Variants in IL19 observed in about 807,000 individuals in gnomAD.
IL19 encodes interleukin 19, also known as interleukin-19.
A neutral mutation model predicts 19.5 loss-of-function variants in IL19; 15 were observed. The observed-to-expected ratio is 0.77, with a 90% CI of 0.52 to 1.19. IL19 has a LOEUF of 1.19. Among genes scored for constraint, IL19 ranks in the 50% most tolerant of loss-of-function variants. The probability of loss-of-function intolerance (pLI) is 0.00; values close to 1 mark genes in which losing one functional copy is unlikely to be tolerated. For missense variants in IL19, 199 were observed against 213.1 expected, an observed-to-expected ratio of 0.93 and a Z score of 0.41; for synonymous variants, 78 against 78.3, an observed-to-expected ratio of 1.00 and a Z score of 0.02.
intron 1 of IL19, among the ~76,000 whole-genome samples, chr1:206,790,960 T>G (rs1232081588): frequency 6.6e-6 from 1 of 152,184 alleles, no homozygotes; most frequent in Non-Finnish European, 1.5e-5. Context: ...ATATCTTTCT[T>G]CATTCTTTTT....
intron 2 of IL19, among the ~76,000 whole-genome samples, chr1:206,800,563 G>C (rs867720306): frequency 1.3e-5 from 2 of 152,192 alleles, no homozygotes; most frequent in Non-Finnish European, 2.9e-5. Context: ...GTGAATAGGA[G>C]TTTGCCAGGG....
At chr1:206,842,481 T>C (rs754068069) in intron 6 of IL19, 46 bp from the exon 7 acceptor site, 62 of 1,174,446 alleles carry the variant, frequency 5.3e-5, no homozygotes, top group Non-Finnish European at 7.4e-5. Context: ...TGAAAACCAT[T>C]ACACAGTCTA....
rs1558625518 is a variant in IL19, at chr1:206,842,670, G to GT, written c.*51dup. 5 of 1,182,366 alleles carry GT rather than the reference G, an allele frequency of 4.2e-6. No homozygotes were observed. Among genetic ancestry groups the GT allele is most frequent in the Non-Finnish European group, 4.9e-6 (4 of 815,078 alleles). The allele number at this position is 1,182,366 out of a possible 1,614,324, so 73.2% of individuals were successfully genotyped here. A position where few individuals can be genotyped will look rare whatever the true frequency, so the allele number is the denominator to read the frequency against. On this transcript the variant is annotated 3_prime_UTR_variant, in exon 7 of 7. Coordinates refer to ENST00000659997, the MANE Select transcript of IL19 (RefSeq NM_153758.5). ...TCCAGGGATGAACACCCCCTGTGCG[G>GT]TTTACTGTGGGAGACAGCCCACCTT...
intron 2 of IL19, among the ~76,000 whole-genome samples, chr1:206,807,625 C>A (rs1360185002): frequency 1.3e-5 from 2 of 152,088 alleles, no homozygotes; most frequent in South Asian, 2.1e-4. Context: ...TTTTTTGGCA[C>A]CCTTATTTCA....
At position 206,770,976 on chromosome 1, in the gene IL19, T is replaced by C. The variant is rs987614203; in HGVS notation, c.-251T>C. On this transcript the variant is annotated 5_prime_UTR_variant, in exon 1 of 7. Coordinates refer to ENST00000659997, the MANE Select transcript of IL19 (RefSeq NM_153758.5). ...GGGAGTTCACATGCGCCTTGATGTC[T>C]GGGTCTTGGTTCTCAGCTTGGGGCA... 6 of 1,614,070 alleles carry C rather than the reference T, an allele frequency of 3.7e-6. No individual in the cohort carries two copies. The Admixed American group carries it at 1.0e-4, about 27-fold the overall frequency.
At chr1:206,792,351 G>A (rs1675428478) in intron 1 of IL19, among the ~76,000 whole-genome samples, 1 of 152,148 alleles carries the variant, frequency 6.6e-6, no homozygotes, top group African/African-American at 2.4e-5. Flanking sequence ...TTTATGAGCA[G>A]TGATGGATGC....
intron 1 of IL19, among the ~76,000 whole-genome samples, chr1:206,774,925 G>T (rs982674566): frequency 5.9e-5 from 9 of 151,956 alleles, no homozygotes; most frequent in South Asian, 2.1e-4. Flanking sequence ...TATGAGATGT[G>T]TGTGTAAATA....
chr1:206,782,330 C>T (rs993523613), intron 1 of IL19, among the ~76,000 whole-genome samples: 10 of 151,912 alleles, frequency 6.6e-5, no homozygotes, highest in African/African-American at 2.4e-4. Context: ...TTGTAATATG[C>T]CGTTTTAGTT....
chr1:206,822,414 T>C (rs914324357), intron 2 of IL19, among the ~76,000 whole-genome samples: 2 of 152,202 alleles, frequency 1.3e-5, no homozygotes, highest in East Asian at 1.9e-4. Context: ...TCCTCTTCCA[T>C]GTCTCAGGTT....
chr1:206,821,303 A>G (rs1055437349), intron 2 of IL19, among the ~76,000 whole-genome samples: 1 of 152,262 alleles, frequency 6.6e-6, no homozygotes, highest in African/African-American at 2.4e-5. Context: ...GCCACAGTGA[A>G]GCAGGTTCTA....
intron 2 of IL19, among the ~76,000 whole-genome samples, chr1:206,828,265 A>C (rs1469371672): frequency 6.6e-6 from 1 of 152,238 alleles, no homozygotes; most frequent in Non-Finnish European, 1.5e-5. Context: ...GTCAATGAGC[A>C]GACTCAAGTT....
intron 1 of IL19, among the ~76,000 whole-genome samples, chr1:206,780,186 CAGTTTGTAATTAGACAT>C (rs1675098648): frequency 1.3e-5 from 2 of 152,114 alleles, no homozygotes; most frequent in African/African-American, 4.8e-5. Flanking sequence ...GTATTTATGT[CAGTTTGTAATTAGACAT>C]GTGGCTATGT....
chr1:206,778,991 T>C (rs1675070709), intron 1 of IL19, among the ~76,000 whole-genome samples: 1 of 152,154 alleles, frequency 6.6e-6, no homozygotes, highest in African/African-American at 2.4e-5. Flanking sequence ...TCTGTCATAA[T>C]ATAAAAGAGT....
chr1:206,787,579 T>A (rs892493462), intron 1 of IL19, among the ~76,000 whole-genome samples: 5 of 152,220 alleles, frequency 3.3e-5, no homozygotes, highest in Non-Finnish European at 7.3e-5. Flanking sequence ...TTTCGGTCTT[T>A]CTTCTGTGTG....
chr1:206,830,232 T>C (rs6663563), intron 2 of IL19, among the ~76,000 whole-genome samples: 134,753 of 151,708 alleles, frequency 0.89, 59,955 homozygotes, highest in South Asian at 0.92. Flanking sequence ...TCTCTATTTC[T>C]TCATCACTGT....
chr1:206,819,954 G>A (rs980528608), intron 2 of IL19, among the ~76,000 whole-genome samples: 2 of 152,170 alleles, frequency 1.3e-5, no homozygotes, highest in Admixed American at 6.5e-5. Flanking sequence ...CAAAGCCTAA[G>A]TTCTTATGTG....
chr1:206,789,845 G>T (rs972100600), intron 1 of IL19, among the ~76,000 whole-genome samples: 2 of 152,148 alleles, frequency 1.3e-5, no homozygotes, highest in Non-Finnish European at 2.9e-5. Context: ...TTCTGTTCCT[G>T]TGTTAGTTTG....
At chr1:206,809,607 G>A (rs1675948151) in intron 2 of IL19, among the ~76,000 whole-genome samples, 1 of 152,214 alleles carries the variant, frequency 6.6e-6, no homozygotes, top group African/African-American at 2.4e-5. Context: ...AAAACCACCA[G>A]AAAAGGTGAA....
rs117236926 is a variant in IL19 at position 206,790,956 on chromosome 1, T to G, written c.-148-7905T>G. ...ACATGATAGATGACCTTTGATATCT[T>G]TCTTCATTCTTTTTTGCTAAGTTAT... On this transcript the variant is annotated intron_variant, in intron 1 of 6. Coordinates refer to ENST00000659997, the MANE Select transcript of IL19 (RefSeq NM_153758.5). Among the ~76,000 whole-genome samples, 20 of 152,330 alleles carry G rather than the reference T, an allele frequency of 1.3e-4. No homozygotes were observed. The East Asian group carries it at 3.9e-3, about 29-fold the overall frequency.
Sources: gnomAD v4.1 joint callset for allele counts (sites outside exome capture counted in the v4.1 genomes callset) on GRCh38, gnomAD v4.1.1 for gene constraint, MANE v1.5 for transcripts, NCBI Gene and HGNC (gene_info 2026-07-23, HGNC 2026-07-21) for gene names.